The following MYO18B variants were observed in gnomAD, a reference collection of about 807,000 sequenced individuals.
MYO18B encodes myosin XVIIIB.
Under a neutral mutation model 273.0 loss-of-function variants are expected in MYO18B, and 204 were observed. That is an observed-to-expected ratio of 0.75 (90% CI 0.67 to 0.84). The LOEUF (loss-of-function observed/expected upper bound fraction) is 0.84. Among genes scored for constraint, MYO18B ranks in the 40% least tolerant of loss-of-function variants. The probability of loss-of-function intolerance (pLI) is 0.00; values close to 1 mark genes in which losing one functional copy is unlikely to be tolerated. For synonymous variants in MYO18B, 1,330 were observed against 1,305.7 expected, an observed-to-expected ratio of 1.02 and a Z score of -0.40; for missense variants, 3,212 against 3,287.6, an observed-to-expected ratio of 0.98 and a Z score of 0.56.
intron 25 of MYO18B, among the ~76,000 whole-genome samples, chr22:25,879,412 A>G (rs2091281251): frequency 6.6e-6 from 1 of 152,360 alleles, no homozygotes; most frequent in East Asian, 1.9e-4. Flanking sequence ...ATCCTTGTAT[A>G]CTTATGGTGT....
At chr22:25,762,831 A>G (rs2086370106) in intron 2 of MYO18B, among the ~76,000 whole-genome samples, 1 of 152,212 alleles carries the variant, frequency 6.6e-6, no homozygotes, top group Non-Finnish European at 1.5e-5. Flanking sequence ...GGACCAGGAG[A>G]GCGTGGATGA....
At chr22:25,884,087 C>T (rs940577221) in intron 25 of MYO18B, among the ~76,000 whole-genome samples, 1 of 152,198 alleles carries the variant, frequency 6.6e-6, no homozygotes, top group African/African-American at 2.4e-5. Flanking sequence ...CAGGCCCATG[C>T]ACTCCTCATT....
intron 3 of MYO18B, among the ~76,000 whole-genome samples, chr22:25,764,287 C>T (rs1161771704): frequency 6.6e-6 from 1 of 152,178 alleles, no homozygotes; most frequent in African/African-American, 2.4e-5. Flanking sequence ...CTCTCTTGTC[C>T]TCTTTAGCCA....
At position 25,770,844 on chromosome 22, in the gene MYO18B, C is replaced by G. The variant is rs1268420382; in HGVS notation, c.1580-28C>G. 4.0e-6 allele frequency: 6 copies of G among 1,508,376 alleles called. No homozygotes were observed. The African/African-American group carries it at 6.9e-5, about 17-fold the overall frequency. 93.4% of individuals were successfully genotyped at this position (1,508,376 alleles called of 1,614,324 possible). The stretch of plus-strand genomic sequence containing the variant: ...TTCCCCTCCCATCTCCTCCCCGTTC[C>G]CCTTCTCTCTCTGGGATGTCCAACC... On this transcript the variant is annotated intron_variant, in intron 5 of 43. Coordinates refer to ENST00000335473, the MANE Select transcript of MYO18B (RefSeq NM_032608.7).
At chr22:26,023,152 CTT>C (rs746677296) in intron 42 of MYO18B, among the ~76,000 whole-genome samples, 11 of 152,084 alleles carry the variant, frequency 7.2e-5, no homozygotes, top group Non-Finnish European at 1.0e-4. Context: ...TCTCCTTCCT[CTT>C]TCTCTCCATC....
intron 15 of MYO18B, among the ~76,000 whole-genome samples, chr22:25,829,321 G>T (rs1397355292): frequency 6.6e-6 from 1 of 152,268 alleles, no homozygotes; most frequent in Non-Finnish European, 1.5e-5. Flanking sequence ...CCCAGGGGGG[G>T]AATGCCCTTT....
chr22:26,029,754 T>C (rs1374943515), intron 43 of MYO18B, among the ~76,000 whole-genome samples: 1 of 152,174 alleles, frequency 6.6e-6, no homozygotes, highest in Non-Finnish European at 1.5e-5. Context: ...TAACTAGCCA[T>C]TGGACCCTAG....
chr22:25,996,193 AG>A (rs1933217661), intron 40 of MYO18B, among the ~76,000 whole-genome samples: 2 of 152,250 alleles, frequency 1.3e-5, no homozygotes, highest in Admixed American at 1.3e-4. Flanking sequence ...TTTGAGTCTA[AG>A]ATGGGTTAAT....
chr22:25,752,822 G>A (rs1047580797), intron 1 of MYO18B, among the ~76,000 whole-genome samples: 18 of 152,204 alleles, frequency 1.2e-4, no homozygotes, highest in Non-Finnish European at 2.6e-4. Context: ...CTTGCCGGGA[G>A]GTGTGGAGGG....
At chr22:25,948,486 CTCTT>C (rs1476658849) in intron 36 of MYO18B, among the ~76,000 whole-genome samples, 7 of 73,268 alleles carry the variant, frequency 9.6e-5, no homozygotes, top group South Asian at 9.0e-4. Context: ...TTCTTTCTTT[CTCTT>C]TCTTTCTTTC....
chr22:26,000,353 A>T (rs1463052262), intron 40 of MYO18B, among the ~76,000 whole-genome samples: 1 of 152,172 alleles, frequency 6.6e-6, no homozygotes, highest in East Asian at 1.9e-4. Flanking sequence ...GTTTTGGGCT[A>T]AGCCTTCCTC....
At chr22:25,788,079 G>A (rs1426151296) in intron 11 of MYO18B, among the ~76,000 whole-genome samples, 1 of 152,192 alleles carries the variant, frequency 6.6e-6, no homozygotes, top group East Asian at 1.9e-4. Flanking sequence ...ATTTGAAGTG[G>A]TTTGCTTTTT....
In MYO18B at chr22:25,891,367, C is replaced by G; in HGVS notation, c.4498C>G (p.Gln1500Glu). 1 of 1,585,952 alleles carries G rather than the reference C, an allele frequency of 6.3e-7. No homozygotes were observed. The highest frequency in any genetic ancestry group is 8.6e-7 in the Non-Finnish European group (1 of 1,165,806). Residue 1500 changes from glutamine to glutamate, a missense_variant, in exon 27 of 44, where the codon CAG (glutamine) becomes GAG (glutamate). Physicochemically the swap from Gln to Glu is conservative, Grantham distance 29 (BLOSUM62 2). Coordinates refer to ENST00000335473, the MANE Select transcript of MYO18B (RefSeq NM_032608.7). ...GAATAAACAGTTGGAAGAAGCCCAG[C>G]AGAAAATTCAGTTGAATGACTTGGA... ...DVNKQLEEAQ[Q>E]KIQLNDLERN...
At chr22:25,972,501 A>C (rs952538789) in intron 39 of MYO18B, among the ~76,000 whole-genome samples, 23 of 152,320 alleles carry the variant, frequency 1.5e-4, no homozygotes, top group Admixed American at 2.6e-4. Flanking sequence ...TGGCTATAGA[A>C]ATGTAGAGTC....
intron 34 of MYO18B, among the ~76,000 whole-genome samples, chr22:25,931,840 ATT>A (rs35548306): frequency 4.9e-4 from 69 of 141,544 alleles, no homozygotes; most frequent in African/African-American, 1.4e-3. Flanking sequence ...TGCCCTGCTA[ATT>A]TTTTTTTTTT....
At chr22:25,952,552 T>A in intron 38 of MYO18B, 129 bp downstream of exon 38, 1 of 1,249,772 alleles carries the variant, frequency 8.0e-7, no homozygotes, top group Non-Finnish European at 1.1e-6. Context: ...ACTCATCCAC[T>A]TCTCACCCAA....
rs771717793 is a variant in MYO18B at position 25,763,294 on chromosome 22, G to C, written c.103G>C (p.Gly35Arg). 2 of 1,612,918 alleles carry C rather than the reference G, an allele frequency of 1.2e-6. No individual in the cohort carries two copies. Among genetic ancestry groups the C allele is most frequent in the Non-Finnish European group, 1.7e-6 (2 of 1,179,586 alleles). ...CCCTCCTCTTTTCTCTGTCATCCCA[G>C]GGGGCTTCATTAAGCAACTGGTCCG... The part of the protein sequence containing the change: ...SPPPLFSVIP[G>R]GFIKQLVRGT... The change falls in exon 3 of 44, where the codon GGG (glycine) becomes CGG (arginine). Residue 35 changes from glycine (G) to arginine (R), a missense_variant. Gly to Arg is a moderately radical substitution (Grantham distance 125, BLOSUM62 -2). Transcript: ENST00000335473.
chr22:25,841,287 TA>T (rs2090074635), intron 17 of MYO18B, among the ~76,000 whole-genome samples: 1 of 152,146 alleles, frequency 6.6e-6, no homozygotes, highest in African/African-American at 2.4e-5. Context: ...ATATGCTGGA[TA>T]AGGCTCCATC....
intron 20 of MYO18B, among the ~76,000 whole-genome samples, chr22:25,848,884 C>T (rs2090337200): frequency 6.6e-6 from 1 of 152,154 alleles, no homozygotes; most frequent in Non-Finnish European, 1.5e-5. Context: ...GTCACTAGTG[C>T]CCTAGTGTAT....
Sources: gnomAD v4.1 joint callset for allele counts (sites outside exome capture counted in the v4.1 genomes callset) on GRCh38, gnomAD v4.1.1 for gene constraint, MANE v1.5 for transcripts, NCBI Gene and HGNC (gene_info 2026-07-23, HGNC 2026-07-21) for gene names.